The following C12orf56 variants were observed in gnomAD, a reference collection of about 807,000 sequenced individuals.
C12orf56 encodes chromosome 12 open reading frame 56, also known as uncharacterized protein C12orf56.
A neutral mutation model predicts 69.9 loss-of-function variants in C12orf56; 71 were observed. The observed-to-expected ratio is 1.02, with a 90% CI of 0.84 to 1.24. The LOEUF is 1.24. Ranked by LOEUF, C12orf56 falls within the 50% of genes most tolerant of loss-of-function variation. The pLI is 0.00. For missense variants in C12orf56, 732 were observed against 738.5 expected (o/e 0.99, Z 0.10); for synonymous variants, 276 against 274.1 (o/e 1.01, Z -0.07).
intron 6 of C12orf56, among the ~76,000 whole-genome samples, chr12:64,286,911 G>A (rs1033824611): frequency 1.3e-5 from 2 of 152,076 alleles, no homozygotes; most frequent in African/African-American, 4.8e-5. Context: ...GATGTTTACC[G>A]GATACTCTCA....
Position 64,284,514 on chromosome 12 carries a change from A to G in C12orf56, c.1310+150T>C, listed in dbSNP as rs1241000080. On this transcript the variant is annotated intron_variant, in intron 8 of 12. Transcript: ENST00000543942. ...GCCTGTGCCAATTAACCTGTTCATC[A>G]TGGAAGGAAGGAGAAAAACAAAAGA... 6 of 534,994 alleles carry G rather than the reference A, an allele frequency of 1.1e-5. No individual in the cohort carries two copies. In the Admixed American group the frequency reaches 1.2e-4, roughly 10 times the overall value. The allele number at this position is 534,994 out of a possible 1,614,324, so 33.1% of individuals were successfully genotyped here.
At chr12:64,370,365 G>A (rs1212359808) in intron 1 of C12orf56, among the ~76,000 whole-genome samples, 1 of 151,034 alleles carries the variant, frequency 6.6e-6, no homozygotes, top group African/African-American at 2.4e-5. Context: ...CAAAAAAAAA[G>A]ATAGGCCGGT....
intron 1 of C12orf56, among the ~76,000 whole-genome samples, chr12:64,362,511 G>C (rs540905051): frequency 6.6e-6 from 1 of 152,202 alleles, no homozygotes. Context: ...GGCCAATATG[G>C]TGAAACCCCA....
At chr12:64,368,857 C>T (rs1350782409) in intron 1 of C12orf56, among the ~76,000 whole-genome samples, 3 of 152,096 alleles carry the variant, frequency 2.0e-5, no homozygotes. Context: ...ACATTGATTT[C>T]CTCATGTGTA....
intron 2 of C12orf56, chr12:64,338,925 T>C (rs1053001805): frequency 1.9e-6 from 1 of 525,980 alleles, no homozygotes; most frequent in South Asian, 2.1e-5. Flanking sequence ...TTTTTATCAA[T>C]AGAGGTGAGG....
At chr12:64,358,486 ATC>A (rs57231705) in intron 1 of C12orf56, among the ~76,000 whole-genome samples, 6,879 of 145,156 alleles carry the variant, frequency 0.047, 219 homozygotes, top group African/African-American at 0.077. Context: ...AATAATAATC[ATC>A]ATCATCATCA....
chr12:64,296,447 C>T (rs1206017730), intron 6 of C12orf56, among the ~76,000 whole-genome samples: 1 of 152,190 alleles, frequency 6.6e-6, no homozygotes, highest in Non-Finnish European at 1.5e-5. Context: ...CCACACATCC[C>T]ATCACTGTAT....
intron 2 of C12orf56, chr12:64,338,245 G>T: frequency 3.6e-6 from 2 of 548,340 alleles, no homozygotes; most frequent in East Asian, 4.8e-5. Flanking sequence ...GCTGGACTAT[G>T]AGATCCAGCT....
In C12orf56 at chr12:64,274,937, G is replaced by A. The variant is rs760258090; in HGVS notation, c.1548C>T (p.Ser516=). The change falls in exon 11 of 13, where the codon AGC becomes AGT. Residue 516 remains serine, a synonymous_variant. Transcript: ENST00000543942. ...LGLGSTKFAI[S]WIMSFLQSCP... is the part of the protein sequence containing the mutation. ...AGCTTTGTAGAAAGGACATTATCCAGCTAATAGCAAACTTTGTGGATCCCA... is the reference window on the plus strand; with the variant it reads ...AGCTTTGTAGAAAGGACATTATCCAACTAATAGCAAACTTTGTGGATCCCA... 4.3e-6 allele frequency: 7 copies of A among 1,612,600 alleles called. No homozygotes were observed. Among genetic ancestry groups the A allele is most frequent in the Non-Finnish European group, 5.9e-6 (7 of 1,178,916 alleles).
intron 9 of C12orf56, among the ~76,000 whole-genome samples, chr12:64,276,219 A>G (rs1284634094): frequency 6.6e-5 from 10 of 152,190 alleles, no homozygotes; most frequent in Non-Finnish European, 1.2e-4. Flanking sequence ...TGGGGACGCA[A>G]GGGAGAACAA....
chr12:64,334,547 G>A (rs186245162), intron 2 of C12orf56, among the ~76,000 whole-genome samples: 4 of 152,264 alleles, frequency 2.6e-5, no homozygotes, highest in Non-Finnish European at 5.9e-5. Flanking sequence ...AAAATGTCAT[G>A]TAAATAGTTA....
At chr12:64,315,931 C>CA (rs1447522554) in intron 4 of C12orf56, among the ~76,000 whole-genome samples, 4,763 of 61,006 alleles carry the variant, frequency 0.078, 292 homozygotes, top group African/African-American at 0.22. Flanking sequence ...AACTCCACCT[C>CA]AAAAAAAAAA....
At chr12:64,271,913 A>G (rs1007540904) in intron 11 of C12orf56, among the ~76,000 whole-genome samples, 4 of 152,218 alleles carry the variant, frequency 2.6e-5, no homozygotes, top group Admixed American at 1.3e-4. Flanking sequence ...TGTCTCTTGA[A>G]TGATTTGTTT....
At position 64,390,586 on chromosome 12, in the gene C12orf56, C is replaced by G. The variant is rs537488566; in HGVS notation, c.-21G>C. On this transcript the variant is annotated 5_prime_UTR_variant, in exon 1 of 13. Transcript: ENST00000543942. ...GCCATGCCCGGCGCCCGCAGCGTGG[C>G]GGAGTGCTGGGACTCGAGGCCCTCA... 61 of 1,536,664 alleles carry G rather than the reference C, an allele frequency of 4.0e-5. No individual in the cohort carries two copies. In the South Asian group the frequency reaches 6.9e-4, roughly 17 times the overall value.
At position 64,366,946 on chromosome 12, in the gene C12orf56, C is replaced by G. The variant is rs1422419062; in HGVS notation, c.253-13890G>C. Among the ~76,000 whole-genome samples the G allele has an allele frequency of 2.8e-4, 33 of 119,996 alleles. 2 individuals are homozygous for G. The highest frequency in any genetic ancestry group is 8.9e-4 in the African/African-American group (27 of 30,378). 78.7% of individuals were successfully genotyped at this position (119,996 alleles called of 152,430 possible). A position where few individuals can be genotyped will look rare whatever the true frequency, so the allele number is the denominator to read the frequency against. ...GTTTATATATTATATATAACATACACTTTATATATTATATATAACATACAC... is the reference window on the plus strand; with the variant it reads ...GTTTATATATTATATATAACATACAGTTTATATATTATATATAACATACAC... On this transcript the variant is annotated intron_variant, in intron 1 of 12. Transcript: ENST00000543942.
In C12orf56 at chr12:64,347,343, T is replaced by G. The variant is rs1265348753; in HGVS notation, c.415+5551A>C. 2.1e-5 allele frequency among the ~76,000 whole-genome samples: 3 copies of G among 145,248 alleles called. No homozygotes were observed. The East Asian group carries it at 6.1e-4, about 29-fold the overall frequency. On this transcript the variant is annotated intron_variant, in intron 2 of 12. Coordinates refer to ENST00000543942, the MANE Select transcript of C12orf56 (RefSeq NM_001170633.2). ...CTCTGTCTCCCAGGCTGGAGCACAG[T>G]GGCATGATCTCGGCTCACTGCAACC...
At chr12:64,345,949 A>G (rs2039135499) in intron 2 of C12orf56, among the ~76,000 whole-genome samples, 1 of 152,222 alleles carries the variant, frequency 6.6e-6, no homozygotes, top group South Asian at 2.1e-4. Flanking sequence ...CCATACTATT[A>G]GAAGTAGAGT....
intron 2 of C12orf56, among the ~76,000 whole-genome samples, chr12:64,337,404 T>C (rs2039010672): frequency 6.6e-6 from 1 of 152,200 alleles, no homozygotes; most frequent in African/African-American, 2.4e-5. Flanking sequence ...TCCACCTGTA[T>C]TTCTGACCAA....
chr12:64,381,237 A>G (rs1313987506), intron 1 of C12orf56, among the ~76,000 whole-genome samples: 1 of 152,170 alleles, frequency 6.6e-6, no homozygotes, highest in Non-Finnish European at 1.5e-5. Context: ...TGGGGGCAAT[A>G]AGATCAGACA....
Sources: gnomAD v4.1 joint callset for allele counts (sites outside exome capture counted in the v4.1 genomes callset) on GRCh38, gnomAD v4.1.1 for gene constraint, MANE v1.5 for transcripts, NCBI Gene and HGNC (gene_info 2026-07-23, HGNC 2026-07-21) for gene names.